The following CERCAM variants were observed in gnomAD, a reference collection of about 807,000 sequenced individuals.
CERCAM encodes the protein inactive glycosyltransferase 25 family member 3.
A neutral mutation model predicts 66.0 loss-of-function variants in CERCAM; 59 were observed. The ratio of observed to expected loss-of-function variants is 0.89; its 90% CI spans 0.73 to 1.11. The LOEUF (loss-of-function observed/expected upper bound fraction) is 1.11, where lower values mean the gene tolerates loss of function less well. Among genes scored for constraint, CERCAM ranks in the 50% most tolerant of loss-of-function variants. The pLI, the probability that CERCAM is intolerant of heterozygous loss-of-function variation, is 0.00. For synonymous variants in CERCAM, 318 were observed against 343.6 expected (o/e 0.93, Z 0.83); for missense variants, 840 against 828.3 (o/e 1.01, Z -0.17).
intron 9 of CERCAM, among the ~76,000 whole-genome samples, chr9:128,433,045 C>T (rs562344696): frequency 3.3e-5 from 5 of 151,988 alleles, no homozygotes; most frequent in South Asian, 2.1e-4. Context: ...TTTGGGAGGC[C>T]GAGGCGGGTG....
intron 5 of CERCAM, 151 bp downstream of exon 5, chr9:128,424,765 CTTTTT>C (rs767789425): frequency 2.1e-5 from 12 of 575,612 alleles, no homozygotes; most frequent in Admixed American, 3.3e-5. Flanking sequence ...TTTTCTCTCT[CTTTTT>C]TTTTTTTTTT....
At chr9:128,420,842 G>A (rs540026683), upstream of CERCAM, 2 of 1,107,156 alleles carry the variant, frequency 1.8e-6, no homozygotes, top group East Asian at 7.1e-5. The surrounding 1 kb of genome is among the most constrained non-coding windows in gnomAD (Gnocchi z 5.0). Flanking sequence ...CGGCCCGAGA[G>A]CTCCGGGGGC....
In CERCAM at chr9:128,423,139, C is replaced by T. The variant is rs2131327005; in HGVS notation, c.309-7C>T. The T allele has an allele frequency of 6.2e-7, 1 of 1,613,686 alleles. No homozygotes were observed. Among genetic ancestry groups the T allele is most frequent in the Non-Finnish European group, 8.5e-7 (1 of 1,179,668 alleles). ...CCCATGGGAACATCTCACCTCTATC[C>T]CCTCAGGTTCTACCCAGATGAAGAG... On this transcript the variant is annotated splice_region_variant and splice_polypyrimidine_tract_variant and intron_variant, in intron 2 of 12. Coordinates refer to ENST00000372838, the MANE Select transcript of CERCAM (RefSeq NM_016174.5).
At chr9:128,431,451 A>G in intron 9 of CERCAM, 148 bp downstream of exon 9, 2 of 966,940 alleles carry the variant, frequency 2.1e-6, no homozygotes, top group Non-Finnish European at 1.5e-6. Context: ...TCAACACCCC[A>G]GTGGGCACCA....
At chr9:128,425,713 G>A (rs1267085653) in intron 5 of CERCAM, among the ~76,000 whole-genome samples, 1 of 150,550 alleles carries the variant, frequency 6.6e-6, no homozygotes, top group Non-Finnish European at 1.5e-5. Flanking sequence ...GTTTCTCCGT[G>A]TTGGTCAGCC....
chr9:128,421,051 C>T lies in CERCAM; in HGVS notation c.174C>T (p.Tyr58=), dbSNP rs1052807387. The change falls in exon 1 of 13, where the codon TAC becomes TAT. Residue 58 remains tyrosine, a synonymous_variant. Coordinates refer to ENST00000372838, the MANE Select transcript of CERCAM (RefSeq NM_016174.5). ...HYLGALERLD[Y]PRARMALWCA... is the part of the protein sequence containing the mutation. ...TGGGCGCTCTGGAGCGGCTGGACTA[C>T]CCCCGGGCCAGGATGGCCCTCTGGT... 18 of 1,367,266 alleles carry T rather than the reference C, an allele frequency of 1.3e-5. No individual in the cohort carries two copies. The African/African-American group carries it at 1.5e-4, about 12-fold the overall frequency. The allele number at this position is 1,367,266 out of a possible 1,614,324, so 84.7% of individuals were successfully genotyped here.
In CERCAM at chr9:128,423,283, A is replaced by T. The variant is rs77214731; in HGVS notation, c.426+20A>T. On this transcript the variant is annotated intron_variant, in intron 3 of 12. Coordinates refer to ENST00000372838, the MANE Select transcript of CERCAM (RefSeq NM_016174.5). ...ATCCTGGTGAGGAAGTCTGGCTAGA[A>T]TCGGGCTTCTGAAAGGCGGTAGTAT... is the stretch of plus-strand genomic sequence containing the variant. 8.6e-4 allele frequency: 1,373 copies of T among 1,598,864 alleles called. 6 individuals carry two copies. In the African/African-American group the frequency reaches 0.015, roughly 17 times the overall value.
intron 9 of CERCAM, 122 bp from the exon 10 acceptor site, chr9:128,433,980 T>TGGGGCAACTGCATGATGTGGCC: frequency 7.4e-7 from 1 of 1,344,196 alleles, no homozygotes; most frequent in Non-Finnish European, 1.0e-6. Flanking sequence ...CAGCAGGCTT[T>TGGGGCAACTGCATGATGTGGCC]GGGGCAACTG....
Position 128,434,281 on chromosome 9 carries a change from C to T in CERCAM, c.1331+52C>T. 1 of 1,608,348 alleles carries T rather than the reference C, an allele frequency of 6.2e-7. No individual in the cohort carries two copies. Among genetic ancestry groups the T allele is most frequent in the South Asian group, 1.1e-5 (1 of 90,600 alleles). On this transcript the variant is annotated intron_variant, in intron 10 of 12. Transcript: ENST00000372838. This position sits in a 1 kb window ranked among gnomAD's most constrained non-coding sequence, Gnocchi z 4.5. ...AGGGGGCAGGGTGGGCCTCCGGAGT[C>T]TGCCTTTTCCTGCTTGGGACCCTGG... is the stretch of plus-strand genomic sequence containing the variant.
At chr9:128,426,588 C>A (rs1054882377) in intron 5 of CERCAM, among the ~76,000 whole-genome samples, 30 of 151,156 alleles carry the variant, frequency 2.0e-4, no homozygotes, top group African/African-American at 7.1e-4. Flanking sequence ...CCACTGCACT[C>A]CAGCCTGGGC....
At position 128,436,051 on chromosome 9, in the gene CERCAM, T is replaced by A; in HGVS notation, c.*146T>A. 9.9e-6 allele frequency: 10 copies of A among 1,014,668 alleles called. No homozygotes were observed. The South Asian group carries it at 1.7e-4, about 17-fold the overall frequency. The allele number at this position is 1,014,668 out of a possible 1,614,324, so 62.9% of individuals were successfully genotyped here. ...CTAGCTTTGCCTTTATGTTTGTTGT[T>A]GTTGTTGTTTGTTTGTTTTTTTTAG... On this transcript the variant is annotated intron_variant, in intron 12 of 12. Coordinates refer to ENST00000372838, the MANE Select transcript of CERCAM (RefSeq NM_016174.5).
intron 11 of CERCAM, among the ~76,000 whole-genome samples, chr9:128,435,362 G>A (rs1159569622): frequency 1.3e-5 from 2 of 152,162 alleles, no homozygotes; most frequent in South Asian, 2.1e-4. Context: ...TTGAACTCCC[G>A]ACTTCAGGTG....
rs774630242 is a variant in CERCAM at position 128,424,545 on chromosome 9, C to G, written c.697C>G (p.Pro233Ala). ...AGGGGCAGACCAGCTTGCTTTCTAC[C>G]CGCCACATCCCAACTACACTTGGCC... ...AEGADQLAFY[P>A]PHPNYTWPFD... Residue 233 changes from proline (P) to alanine (A), a missense_variant, in exon 5 of 13, where the codon CCG becomes GCG. Transcript: ENST00000372838. 1.2e-6 allele frequency: 2 copies of G among 1,614,082 alleles called. No individual in the cohort carries two copies. The highest frequency in any genetic ancestry group is 1.7e-6 in the Non-Finnish European group (2 of 1,180,048).
chr9:128,433,951 TCCCAGGCAGTGGGGC>T (rs1834039415), intron 9 of CERCAM, 136 bp from the exon 10 acceptor site: 2 of 907,976 alleles, frequency 2.2e-6, no homozygotes, highest in African/African-American at 3.4e-5. Flanking sequence ...GGATTTCCGG[TCCCAGGCAGTGGGGC>T]CCCCAGCAGG....
chr9:128,420,632 C>G (rs992015047), upstream of CERCAM: 6 of 213,146 alleles, frequency 2.8e-5, no homozygotes, highest in East Asian at 6.7e-4. This position sits in a 1 kb window ranked among gnomAD's most constrained non-coding sequence, Gnocchi z 5.0. Flanking sequence ...GGGGTCCAGC[C>G]GGGCGGGGCT....
Position 128,428,387 on chromosome 9 carries a change from G to A in CERCAM, c.852G>A (p.Arg284=). 6.2e-7 allele frequency: 1 copy of A among 1,614,132 alleles called. No homozygotes were observed. ...CCCACCAGGGGCTGGAAGACGAGAG[G>A]GTCAACTTCATCCACCTGATCTTAG... ...VKSHQGLEDE[R]VNFIHLILEA... The change falls in exon 6 of 13, where the codon AGG becomes AGA. Residue 284 remains arginine, a synonymous_variant. Coordinates refer to ENST00000372838, the MANE Select transcript of CERCAM (RefSeq NM_016174.5).
At position 128,420,915 on chromosome 9, in the gene CERCAM, T is replaced by G; in HGVS notation, c.38T>G (p.Leu13Arg). ...AARAAPLLQLLLLLGPWLEAA... is the reference protein window; with the variant it reads ...AARAAPLLQLRLLLGPWLEAA... ...CGCGCCGCGCCGCTGCTCCAGCTGC[T>G]GCTCCTGCTGGGGCCGTGGCTGGAG... Residue 13 changes from leucine (L) to arginine (R), a missense_variant, in exon 1 of 13, where the codon CTG becomes CGG. By Grantham distance (102) the Leu-to-Arg change is moderately radical. Transcript: ENST00000372838. This position sits in a 1 kb window ranked among gnomAD's most constrained non-coding sequence, Gnocchi z 5.0. 2 of 1,392,950 alleles carry G rather than the reference T, an allele frequency of 1.4e-6. No individual in the cohort carries two copies. The highest frequency in any genetic ancestry group is 1.9e-6 in the Non-Finnish European group (2 of 1,073,684). The allele number at this position is 1,392,950 out of a possible 1,614,324, so 86.3% of individuals were successfully genotyped here.
chr9:128,437,182 GC>G lies in CERCAM; in HGVS notation c.*339del, dbSNP rs939897354. On this transcript the variant is annotated 3_prime_UTR_variant, in exon 13 of 13. Transcript: ENST00000372838. The stretch of plus-strand genomic sequence containing the variant: ...AAGGACTCAGCTGAGGGGCCCCTCT[GC>G]CCCCTTCTACCTCCACCTCAGCACC... The G allele has an allele frequency of 5.9e-5, 9 of 152,188 alleles. No homozygotes were observed. The highest frequency in any genetic ancestry group is 2.1e-4 in the South Asian group (1 of 4,788). 9.4% of individuals were successfully genotyped at this position (152,188 alleles called of 1,614,324 possible).
chr9:128,421,009 C>T lies in CERCAM; in HGVS notation c.132C>T (p.His44=). The change falls in exon 1 of 13, where the codon CAC becomes CAT. Residue 44 remains histidine, a synonymous_variant. Transcript: ENST00000372838. ...VLAILARNAE[H]SLPHYLGALE... ...CCATCCTGGCCCGCAATGCCGAACA[C>T]TCGCTGCCCCACTACCTGGGCGCTC... 3 of 1,459,592 alleles carry T rather than the reference C, an allele frequency of 2.1e-6. No individual in the cohort carries two copies. The South Asian group carries it at 4.0e-5, about 19-fold the overall frequency. The allele number at this position is 1,459,592 out of a possible 1,614,324, so 90.4% of individuals were successfully genotyped here.
Sources: gnomAD v4.1 joint callset for allele counts (sites outside exome capture counted in the v4.1 genomes callset) on GRCh38, gnomAD v4.1.1 for gene constraint, Gnocchi (gnomAD v3.1) non-coding constraint, MANE v1.5 for transcripts, NCBI Gene and HGNC (gene_info 2026-07-23, HGNC 2026-07-21) for gene names.